The following SDK2 variants were observed in gnomAD, a reference collection of about 807,000 sequenced individuals.
The protein encoded by SDK2 is sidekick cell adhesion molecule 2.
Under a neutral mutation model 253.9 loss-of-function variants are expected in SDK2, and 105 were observed. The observed-to-expected ratio is 0.41, with a 90% CI of 0.35 to 0.49. The LOEUF (loss-of-function observed/expected upper bound fraction) is 0.49. Ranked by LOEUF, SDK2 falls within the 20% of genes least tolerant of loss-of-function variation. SDK2 has a pLI of 0.06. For missense variants in SDK2, 2,608 were observed against 3,003.0 expected (o/e 0.87, Z 3.07); for synonymous variants, 1,249 against 1,234.9 (o/e 1.01, Z -0.24).
chr17:73,638,254 CT>C (rs2046356985), intron 1 of SDK2, among the ~76,000 whole-genome samples: 1 of 152,202 alleles, frequency 6.6e-6, no homozygotes, highest in African/African-American at 2.4e-5. Flanking sequence ...ATTATGCTGA[CT>C]CCTCCTACGT....
chr17:73,403,778 TA>T (rs1211779645), intron 18 of SDK2, among the ~76,000 whole-genome samples: 5 of 152,180 alleles, frequency 3.3e-5, no homozygotes, highest in Non-Finnish European at 7.4e-5. Flanking sequence ...CTCAAAATAC[TA>T]AACAGAAATA....
At chr17:73,474,393 C>G (rs2063671627) in intron 2 of SDK2, among the ~76,000 whole-genome samples, 1 of 152,162 alleles carries the variant, frequency 6.6e-6, no homozygotes, top group Non-Finnish European at 1.5e-5. Flanking sequence ...TCCCACAGAG[C>G]CTTTCAGACT....
In SDK2 at chr17:73,538,554, C is replaced by T. The variant is rs2044817190; in HGVS notation, c.65-30957G>A. ...AAGTAAATTAAATGTGCACAGGTGA[C>T]ATTTGAAAAGATGAATGGATGAGCA... On this transcript the variant is annotated intron_variant, in intron 1 of 44. Coordinates refer to ENST00000392650, the MANE Select transcript of SDK2 (RefSeq NM_001144952.2). 2.6e-5 allele frequency among the ~76,000 whole-genome samples: 4 copies of T among 152,192 alleles called. No individual in the cohort carries two copies. The South Asian group carries it at 6.2e-4, about 24-fold the overall frequency.
chr17:73,523,268 C>A (rs1364553765), intron 1 of SDK2, among the ~76,000 whole-genome samples: 1 of 151,908 alleles, frequency 6.6e-6, no homozygotes, highest in South Asian at 2.1e-4. Context: ...GAGAGCCTCT[C>A]TTCCCCGAGA....
intron 2 of SDK2, among the ~76,000 whole-genome samples, chr17:73,504,071 G>T (rs1327694535): frequency 2.0e-5 from 3 of 152,052 alleles, no homozygotes; most frequent in Non-Finnish European, 2.9e-5. Flanking sequence ...TCTGACTTCG[G>T]TTCTGTGGTG....
rs2045946003 is a variant in SDK2, at chr17:73,609,301, AAGG to A, written c.64+34721_64+34723del. On this transcript the variant is annotated intron_variant, in intron 1 of 44. Coordinates refer to ENST00000392650, the MANE Select transcript of SDK2 (RefSeq NM_001144952.2). The surrounding 1 kb of genome is among the most constrained non-coding windows in gnomAD (Gnocchi z 4.4). Reference sequence around the variant, plus strand: ...TCACCAAGGGGTGGGTACTCATGGAAAGGAGGAGAGAGCCCAGAACTGAGTCCA... The same window carrying A: ...TCACCAAGGGGTGGGTACTCATGGAAAGGAGAGAGCCCAGAACTGAGTCCA... Among the ~76,000 whole-genome samples the A allele has an allele frequency of 6.6e-6, 1 of 152,128 alleles. No individual in the cohort carries two copies.
chr17:73,361,962 T>A lies in SDK2; in HGVS notation c.5306-117A>T. ...CCGGGACCCTGGGTAGGGGCCTCAC[T>A]CCTTGAGGTCAGGCTGAAATGCACC... On this transcript the variant is annotated intron_variant, in intron 38 of 44. Coordinates refer to ENST00000392650, the MANE Select transcript of SDK2 (RefSeq NM_001144952.2). The surrounding 1 kb of genome is among the most constrained non-coding windows in gnomAD (Gnocchi z 4.1). 1 of 961,608 alleles carries A rather than the reference T, an allele frequency of 1.0e-6. No homozygotes were observed. Among genetic ancestry groups the A allele is most frequent in the Non-Finnish European group, 1.5e-6 (1 of 665,854 alleles). 59.6% of individuals were successfully genotyped at this position (961,608 alleles called of 1,614,324 possible). A position where few individuals can be genotyped will look rare whatever the true frequency, so the allele number is the denominator to read the frequency against.
chr17:73,397,934 A>AGAG, intron 24 of SDK2, 101 bp downstream of exon 24: 2 of 1,296,280 alleles, frequency 1.5e-6, no homozygotes, highest in South Asian at 1.3e-5. Flanking sequence ...AAACAGAAAG[A>AGAG]GAGGAGAAAG....
chr17:73,378,059 T>C (rs989649516), intron 36 of SDK2, among the ~76,000 whole-genome samples: 14 of 152,150 alleles, frequency 9.2e-5, no homozygotes, highest in Admixed American at 2.6e-4. Flanking sequence ...TAGGGAGAAA[T>C]TGAATCCCCT....
chr17:73,583,705 C>CCCACTCCCCATTCTGTCTGGGG (rs60250608), intron 1 of SDK2, among the ~76,000 whole-genome samples: 31,808 of 152,170 alleles, frequency 0.21, 3,865 homozygotes, highest in African/African-American at 0.33. Context: ...GCCAAGAGTG[C>CCCACTCCCCATTCTGTCTGGGG]TTCAGGCTCA....
At position 73,483,687 on chromosome 17, in the gene SDK2, ATATATATATATATATATATATT is replaced by A. The variant is rs1567799387; in HGVS notation, c.225-11491_225-11470del. On this transcript the variant is annotated intron_variant, in intron 2 of 44. Transcript: ENST00000392650. ...TATATATATATATATATATATTTAT[ATATATATATATATATATATATT>A]TTTTTTTTTTTTTAGTAGAGTTGGG... is the stretch of plus-strand genomic sequence containing the variant. Among the ~76,000 whole-genome samples the A allele has an allele frequency of 1.0e-3, 72 of 68,898 alleles. 6 individuals are homozygous for A. Among genetic ancestry groups the A allele is most frequent in the African/African-American group, 4.0e-3 (71 of 17,890 alleles). 45.2% of individuals were successfully genotyped at this position (68,898 alleles called of 152,430 possible).
At position 73,629,353 on chromosome 17, in the gene SDK2, G is replaced by C. The variant is rs1406390420; in HGVS notation, c.64+14672C>G. 6.6e-6 allele frequency among the ~76,000 whole-genome samples: 1 copy of C among 152,200 alleles called. No individual in the cohort carries two copies. Among genetic ancestry groups the C allele is most frequent in the East Asian group, 1.9e-4 (1 of 5,182 alleles). ...ATGATTCACCGTGGTTTAAGCTGCT[G>C]TTTCCCTCCTGACGCTTGCATAGCT... is the stretch of plus-strand genomic sequence containing the variant. On this transcript the variant is annotated intron_variant, in intron 1 of 44. Coordinates refer to ENST00000392650, the MANE Select transcript of SDK2 (RefSeq NM_001144952.2). The surrounding 1 kb of genome is among the most constrained non-coding windows in gnomAD (Gnocchi z 5.0).
intron 1 of SDK2, among the ~76,000 whole-genome samples, chr17:73,536,653 C>G (rs1044103808): frequency 5.3e-5 from 8 of 152,196 alleles, no homozygotes; most frequent in African/African-American, 1.9e-4. Context: ...GTGCGGGGGT[C>G]GCAAAATCAC....
chr17:73,513,516 G>C (rs973739397), intron 1 of SDK2: 20 of 152,210 alleles, frequency 1.3e-4, no homozygotes, highest in African/African-American at 4.8e-4. Flanking sequence ...ACTGTAGCTT[G>C]GTACGCCCTC....
At chr17:73,548,986 C>A (rs547992186) in intron 1 of SDK2, among the ~76,000 whole-genome samples, 3 of 152,344 alleles carry the variant, frequency 2.0e-5, no homozygotes, top group South Asian at 2.1e-4. Flanking sequence ...GTCTCAATGA[C>A]AACCCCGGCT....
intron 1 of SDK2, among the ~76,000 whole-genome samples, chr17:73,513,022 AT>A (rs2145771315): frequency 6.6e-6 from 1 of 152,292 alleles, no homozygotes; most frequent in African/African-American, 2.4e-5. Context: ...AAAATCAGAG[AT>A]TTAAAAATAT....
chr17:73,643,487 G>A lies in SDK2; in HGVS notation c.64+538C>T, dbSNP rs975441922. On this transcript the variant is annotated intron_variant, in intron 1 of 44. Coordinates refer to ENST00000392650, the MANE Select transcript of SDK2 (RefSeq NM_001144952.2). The surrounding 1 kb of genome is among the most constrained non-coding windows in gnomAD (Gnocchi z 6.9). The stretch of plus-strand genomic sequence containing the variant: ...CCCAGCGGCTGGCCGAGCAGCCAGG[G>A]GCGGGCTCCCGTACGTGGCCAAGCC... Among the ~76,000 whole-genome samples, 8 of 152,134 alleles carry A rather than the reference G, an allele frequency of 5.3e-5. No homozygotes were observed. The highest frequency in any genetic ancestry group is 1.9e-4 in the African/African-American group (8 of 41,450).
At chr17:73,414,011 T>G (rs767297498) in intron 18 of SDK2, among the ~76,000 whole-genome samples, 1 of 152,052 alleles carries the variant, frequency 6.6e-6, no homozygotes, top group African/African-American at 2.4e-5. Flanking sequence ...GGGCCATGGC[T>G]ATACCAGGTG....
At chr17:73,441,169 C>T (rs755290012) in intron 5 of SDK2, among the ~76,000 whole-genome samples, 16 of 152,050 alleles carry the variant, frequency 1.1e-4, no homozygotes, top group East Asian at 7.7e-4. Flanking sequence ...CGGCCTTCCC[C>T]ACCCCTCCTG....
Sources: gnomAD v4.1 joint callset for allele counts (sites outside exome capture counted in the v4.1 genomes callset) on GRCh38, gnomAD v4.1.1 for gene constraint, Gnocchi (gnomAD v3.1) non-coding constraint, MANE v1.5 for transcripts, NCBI Gene and HGNC (gene_info 2026-07-23, HGNC 2026-07-21) for gene names.